The following NAV2 variants were observed in gnomAD, a reference collection of about 807,000 sequenced individuals.
NAV2 encodes the protein helicase, APC down-regulated 1.
Under a neutral mutation model 223.2 loss-of-function variants are expected in NAV2, and 54 were observed. That is an observed-to-expected ratio of 0.24 (90% CI 0.19 to 0.30). The LOEUF (loss-of-function observed/expected upper bound fraction) is 0.30, where lower values mean the gene tolerates loss of function less well. NAV2 is among the 10% of genes least tolerant of loss of function. The pLI, the probability that NAV2 is intolerant of heterozygous loss-of-function variation, is 1.00. For missense variants in NAV2, 2,806 were observed against 3,147.5 expected (o/e 0.89, Z 2.60); for synonymous variants, 1,279 against 1,239.3 (o/e 1.03, Z -0.67).
At chr11:19,461,200 T>C (rs1188351472) in intron 1 of NAV2, among the ~76,000 whole-genome samples, 1 of 152,130 alleles carries the variant, frequency 6.6e-6, no homozygotes, top group Non-Finnish European at 1.5e-5. Context: ...TCACCAGAGC[T>C]CAGTGCACCA....
chr11:19,930,133 C>A (rs975347172), intron 6 of NAV2, among the ~76,000 whole-genome samples: 1 of 152,222 alleles, frequency 6.6e-6, no homozygotes. Flanking sequence ...CAAAATCATT[C>A]TATGGAAGAG....
intron 1 of NAV2, among the ~76,000 whole-genome samples, chr11:19,816,284 A>C (rs1210076952): frequency 6.6e-6 from 1 of 152,232 alleles, no homozygotes; most frequent in Admixed American, 6.5e-5. Flanking sequence ...AGCGCCAGCC[A>C]CTGCTGGGAA....
rs1248393104 is a variant in NAV2, at chr11:19,900,100, C to T, written c.931+7506C>T. On this transcript the variant is annotated intron_variant, in intron 6 of 37. Transcript: ENST00000349880. Reference sequence around the variant, plus strand: ...GCTAGTACCCATAGTTGTCAAAGGGCTTAGAAAGCCAACCTAGAGGTGTGA... The same window carrying T: ...GCTAGTACCCATAGTTGTCAAAGGGTTTAGAAAGCCAACCTAGAGGTGTGA... 2.0e-5 allele frequency among the ~76,000 whole-genome samples: 3 copies of T among 152,092 alleles called. No homozygotes were observed. In the East Asian group the frequency reaches 5.8e-4, roughly 29 times the overall value.
At chr11:19,644,708 C>G (rs2047768037) in intron 1 of NAV2, among the ~76,000 whole-genome samples, 1 of 152,202 alleles carries the variant, frequency 6.6e-6, no homozygotes, top group African/African-American at 2.4e-5. Flanking sequence ...AGATTCAGAA[C>G]TGGTTGGGGT....
At chr11:19,931,029 A>C (rs561572803) in intron 6 of NAV2, among the ~76,000 whole-genome samples, 23 of 152,346 alleles carry the variant, frequency 1.5e-4, no homozygotes, top group Non-Finnish European at 3.1e-4. Flanking sequence ...CCTGAGTTCA[A>C]ATCCCAGATA....
intron 11 of NAV2, among the ~76,000 whole-genome samples, chr11:20,031,997 A>G (rs2055805101): frequency 6.6e-6 from 1 of 152,298 alleles, no homozygotes; most frequent in East Asian, 1.9e-4. Flanking sequence ...AACTCACTGA[A>G]CTAATCTTGG....
chr11:20,080,251 C>T (rs1269616518), intron 25 of NAV2, 42 bp downstream of exon 25: 1 of 1,589,054 alleles, frequency 6.3e-7, no homozygotes, highest in Non-Finnish European at 8.6e-7. Flanking sequence ...CGGACAGAGT[C>T]AGTTGCAGAA....
In NAV2 at chr11:20,051,152, C is replaced by T. The variant is rs540091336; in HGVS notation, c.4437-137C>T. 57 of 705,820 alleles carry T rather than the reference C, an allele frequency of 8.1e-5. No individual in the cohort carries two copies. The South Asian group carries it at 8.4e-4, about 10-fold the overall frequency. 43.7% of individuals were successfully genotyped at this position (705,820 alleles called of 1,614,324 possible). On this transcript the variant is annotated intron_variant, in intron 16 of 37. Transcript: ENST00000349880. ...ACGGATGTGGATGTGTTGCATTGCACGCCTAGCTGGATAAGGCACTTCCTG... is the reference window on the plus strand; with the variant it reads ...ACGGATGTGGATGTGTTGCATTGCATGCCTAGCTGGATAAGGCACTTCCTG...
intron 1 of NAV2, among the ~76,000 whole-genome samples, chr11:19,673,817 G>C (rs979248490): frequency 3.9e-5 from 6 of 152,070 alleles, no homozygotes; most frequent in Non-Finnish European, 7.4e-5. Context: ...TCAGGGGCAG[G>C]GTCCCAGGAT....
At chr11:20,078,161 C>T (rs1199016010) in intron 24 of NAV2, 57 bp downstream of exon 24, 1 of 1,222,006 alleles carries the variant, frequency 8.2e-7, no homozygotes, top group East Asian at 2.4e-5. Context: ...AGGAGCCCTC[C>T]CCTGACATCA....
chr11:20,036,143 G>C lies in NAV2; in HGVS notation c.2907+46G>C, dbSNP rs1038601368. Reference sequence around the variant, plus strand: ...CAGGCTCCTCCAGCAGCCTCTGGCAGCAGGGAACCTTGGGCTTGTGGGGTA... The same window carrying C: ...CAGGCTCCTCCAGCAGCCTCTGGCACCAGGGAACCTTGGGCTTGTGGGGTA... On this transcript the variant is annotated intron_variant, in intron 12 of 37. Coordinates refer to ENST00000349880, the MANE Select transcript of NAV2 (RefSeq NM_145117.5). The C allele has an allele frequency of 3.1e-6, 5 of 1,612,462 alleles. No homozygotes were observed. In the African/African-American group the frequency reaches 4.0e-5, roughly 13 times the overall value.
chr11:19,535,645 G>A (rs575654680), intron 1 of NAV2, among the ~76,000 whole-genome samples: 3 of 152,152 alleles, frequency 2.0e-5, no homozygotes, highest in Non-Finnish European at 4.4e-5. Flanking sequence ...TTATCTCTCA[G>A]CGGTTTCTTC....
At chr11:20,016,832 A>G (rs371170503) in intron 11 of NAV2, among the ~76,000 whole-genome samples, 1 of 20,242 alleles carries the variant, frequency 4.9e-5, no homozygotes, top group Non-Finnish European at 1.1e-4. Context: ...CCTGTCTACT[A>G]AAATACAAAA....
intron 1 of NAV2, among the ~76,000 whole-genome samples, chr11:19,522,007 G>A (rs1466484356): frequency 6.6e-6 from 1 of 152,220 alleles, no homozygotes; most frequent in Non-Finnish European, 1.5e-5. Context: ...TGGCCTACTA[G>A]CTGCATGGCT....
intron 1 of NAV2, among the ~76,000 whole-genome samples, chr11:19,368,637 G>T (rs1174350789): frequency 6.6e-6 from 1 of 152,080 alleles, no homozygotes; most frequent in Non-Finnish European, 1.5e-5. Context: ...TGTTCACTGG[G>T]TACTTATTAT....
At chr11:19,497,528 T>C (rs1406623615) in intron 1 of NAV2, among the ~76,000 whole-genome samples, 1 of 152,180 alleles carries the variant, frequency 6.6e-6, no homozygotes, top group Non-Finnish European at 1.5e-5. Flanking sequence ...TGGCTTTTCA[T>C]GGCCTCGCAT....
chr11:19,859,825 ACC>A (rs1444211952), intron 3 of NAV2, among the ~76,000 whole-genome samples: 1 of 36,374 alleles, frequency 2.7e-5, no homozygotes, highest in African/African-American at 1.1e-4. Context: ...GGGGCTGACC[ACC>A]CCCAACTCCC....
rs145918809 is a variant in NAV2 at position 19,841,263 on chromosome 11, T to A, written c.386-1608T>A. On this transcript the variant is annotated intron_variant, in intron 2 of 37. Coordinates refer to ENST00000349880, the MANE Select transcript of NAV2 (RefSeq NM_145117.5). ...TATGGTAATTAGATTTTTAAACAAT[T>A]TTCTGCCACTAGCTTGCTTCTTAAT... is the stretch of plus-strand genomic sequence containing the variant. Among the ~76,000 whole-genome samples, 386 of 152,274 alleles carry A rather than the reference T, an allele frequency of 2.5e-3. 2 individuals are homozygous for A. Among genetic ancestry groups the A allele is most frequent in the African/African-American group, 8.8e-3 (365 of 41,540 alleles).
In NAV2 at chr11:19,567,859, C is replaced by G. The variant is rs1345333887; in HGVS notation, c.75+216832C>G. Among the ~76,000 whole-genome samples, 3 of 152,238 alleles carry G rather than the reference C, an allele frequency of 2.0e-5. No homozygotes were observed. In the East Asian group the frequency reaches 5.8e-4, roughly 29 times the overall value. On this transcript the variant is annotated intron_variant, in intron 1 of 37. Coordinates refer to the NAV2 transcript ENST00000360655. ...GTTAAAGTTCCTCCTTCCGAGGGGT[C>G]TCCCATCACTGACCTTCTCCCCAGG...
Sources: gnomAD v4.1 joint callset for allele counts (sites outside exome capture counted in the v4.1 genomes callset) on GRCh38, gnomAD v4.1.1 for gene constraint, MANE v1.5 for transcripts, NCBI Gene and HGNC (gene_info 2026-07-23, HGNC 2026-07-21) for gene names.